The following GULP1 variants were observed in gnomAD, a reference collection of about 807,000 sequenced individuals.
GULP1 encodes PTB domain-containing engulfment adapter protein 1.
Under a neutral mutation model 40.9 loss-of-function variants are expected in GULP1, and 19 were observed. The ratio of observed to expected loss-of-function variants is 0.46; its 90% CI spans 0.32 to 0.68. The LOEUF (loss-of-function observed/expected upper bound fraction) is 0.68. GULP1 is among the 30% of genes least tolerant of loss of function. The pLI is 0.03. For missense variants in GULP1, 312 were observed against 362.2 expected, an observed-to-expected ratio of 0.86 and a Z score of 1.12; for synonymous variants, 119 against 117.6, an observed-to-expected ratio of 1.01 and a Z score of -0.08.
At chr2:188,352,198 G>A (rs1465750882) in intron 1 of GULP1, among the ~76,000 whole-genome samples, 1 of 152,112 alleles carries the variant, frequency 6.6e-6, no homozygotes, top group East Asian at 1.9e-4. Context: ...GAGGGTGTGA[G>A]GATGAGACAT....
intron 2 of GULP1, among the ~76,000 whole-genome samples, chr2:188,409,973 T>A (rs1349139879): frequency 6.6e-6 from 1 of 152,130 alleles, no homozygotes; most frequent in Non-Finnish European, 1.5e-5. Flanking sequence ...CAAAACAGGA[T>A]GGTTCTGGCA....
intron 1 of GULP1, among the ~76,000 whole-genome samples, chr2:188,325,947 A>C (rs2040699187): frequency 6.6e-6 from 1 of 152,190 alleles, no homozygotes; most frequent in Non-Finnish European, 1.5e-5. Flanking sequence ...GCATTGTTGC[A>C]AGTGATAGAA....
At chr2:188,307,344 T>C (rs2037269918) in intron 1 of GULP1, among the ~76,000 whole-genome samples, 1 of 152,138 alleles carries the variant, frequency 6.6e-6, no homozygotes, top group African/African-American at 2.4e-5. Flanking sequence ...TGTTTTGACA[T>C]ATCTGCATTA....
At chr2:188,372,591 G>A (rs1233377539) in intron 1 of GULP1, among the ~76,000 whole-genome samples, 1 of 152,024 alleles carries the variant, frequency 6.6e-6, no homozygotes, top group African/African-American at 2.4e-5. Context: ...TACTCCAGGA[G>A]AGAGGGAGGT....
intron 2 of GULP1, among the ~76,000 whole-genome samples, chr2:188,476,648 T>C (rs2061034557): frequency 6.6e-6 from 1 of 152,124 alleles, no homozygotes; most frequent in South Asian, 2.1e-4. Context: ...GTAATATACC[T>C]GTAACACTAG....
chr2:188,440,194 A>G (rs1042901476), intron 2 of GULP1, among the ~76,000 whole-genome samples: 19 of 152,234 alleles, frequency 1.2e-4, no homozygotes, highest in African/African-American at 4.6e-4. Context: ...TTAGATAAAA[A>G]CAAATCTATT....
intron 1 of GULP1, among the ~76,000 whole-genome samples, chr2:188,380,648 C>T (rs2048900284): frequency 6.6e-6 from 1 of 152,100 alleles, no homozygotes; most frequent in African/African-American, 2.4e-5. Context: ...TCCAGGAAAA[C>T]TCCTAAAACA....
rs1559286871 is a variant in GULP1 at position 188,477,641 on chromosome 2, A to G, written c.-44-18A>G. ...AACAGTCCTTTGTTTATGTTTTAAT[A>G]TTTTGTCACTTTTACAGGATTTAAG... On this transcript the variant is annotated intron_variant, in intron 2 of 11. Coordinates refer to ENST00000409830, the MANE Select transcript of GULP1 (RefSeq NM_016315.4). 1 of 1,326,934 alleles carries G rather than the reference A, an allele frequency of 7.5e-7. No homozygotes were observed. The highest frequency in any genetic ancestry group is 1.1e-6 in the Non-Finnish European group (1 of 942,330). 82.2% of individuals were successfully genotyped at this position (1,326,934 alleles called of 1,614,324 possible).
chr2:188,562,417 CT>C (rs1391721308), intron 7 of GULP1, among the ~76,000 whole-genome samples: 1 of 152,114 alleles, frequency 6.6e-6, no homozygotes, highest in Admixed American at 6.5e-5. Flanking sequence ...TCCTTCCTTG[CT>C]TTTGGTGTTT....
At chr2:188,488,463 C>G (rs953921626) in intron 4 of GULP1, among the ~76,000 whole-genome samples, 3 of 151,834 alleles carry the variant, frequency 2.0e-5, no homozygotes, top group Admixed American at 1.3e-4. Context: ...TTTGGTATGA[C>G]AAAAGTTTAT....
At chr2:188,370,820 G>A (rs1318875401) in intron 1 of GULP1, among the ~76,000 whole-genome samples, 5 of 152,104 alleles carry the variant, frequency 3.3e-5, no homozygotes, top group Non-Finnish European at 2.9e-5. Context: ...GTCTTTAAGA[G>A]AATATACTTT....
intron 1 of GULP1, among the ~76,000 whole-genome samples, chr2:188,304,098 C>G (rs1243687442): frequency 6.6e-6 from 1 of 152,092 alleles, no homozygotes; most frequent in Non-Finnish European, 1.5e-5. Context: ...TAAAGGAACT[C>G]TGCTTATGGA....
Position 188,368,949 on chromosome 2 carries a change from A to G in GULP1, c.-171-14814A>G, listed in dbSNP as rs866388630. Among the ~76,000 whole-genome samples, 79 of 88,430 alleles carry G rather than the reference A, an allele frequency of 8.9e-4. 1 individual carries two copies. The highest frequency in any genetic ancestry group is 5.5e-3 in the Middle Eastern group (1 of 182). The allele number at this position is 88,430 out of a possible 152,430, so 58.0% of individuals were successfully genotyped here. A position where few individuals can be genotyped will look rare whatever the true frequency, so the allele number is the denominator to read the frequency against. On this transcript the variant is annotated intron_variant, in intron 1 of 11. Coordinates refer to ENST00000409830, the MANE Select transcript of GULP1 (RefSeq NM_016315.4). ...TATATATATATGTGTGTATATATAT[A>G]TATATATATATATATATATATATAT...
intron 2 of GULP1, among the ~76,000 whole-genome samples, chr2:188,386,383 G>A (rs115464117): frequency 0.024 from 3,584 of 152,160 alleles, 152 homozygotes; most frequent in African/African-American, 0.082. Flanking sequence ...GGAATTGTGG[G>A]AATTACAATT....
intron 1 of GULP1, among the ~76,000 whole-genome samples, chr2:188,339,520 T>C (rs2042698866): frequency 6.6e-6 from 1 of 152,206 alleles, no homozygotes; most frequent in South Asian, 2.1e-4. Flanking sequence ...AATTATACAT[T>C]ACTTAAAAAC....
chr2:188,401,877 A>C (rs752082474), intron 2 of GULP1, among the ~76,000 whole-genome samples: 12 of 152,144 alleles, frequency 7.9e-5, no homozygotes, highest in Non-Finnish European at 1.6e-4. Context: ...TGCCTTATGT[A>C]AGGTGATTAG....
chr2:188,327,165 G>A (rs2040866371), intron 1 of GULP1, among the ~76,000 whole-genome samples: 1 of 152,128 alleles, frequency 6.6e-6, no homozygotes, highest in South Asian at 2.1e-4. Context: ...TGAGGCCTCT[G>A]TGTTTTACAA....
At chr2:188,349,059 A>C (rs1456157519) in intron 1 of GULP1, among the ~76,000 whole-genome samples, 1 of 152,228 alleles carries the variant, frequency 6.6e-6, no homozygotes, top group East Asian at 1.9e-4. Context: ...GAATGCATTC[A>C]AAGTTTTGTT....
At chr2:188,536,712 T>A (rs1689031954) in intron 6 of GULP1, among the ~76,000 whole-genome samples, 1 of 152,162 alleles carries the variant, frequency 6.6e-6, no homozygotes, top group Non-Finnish European at 1.5e-5. Flanking sequence ...AAATTCTAAT[T>A]CCCTGAAAAA....
Sources: allele counts gnomAD v4.1 joint callset (sites outside exome capture counted in the v4.1 genomes callset), GRCh38; gene constraint gnomAD v4.1.1; transcripts MANE v1.5; gene names NCBI Gene and HGNC (gene_info 2026-07-23, HGNC 2026-07-21).